Variants in PTPRZ1 observed in about 807,000 individuals in gnomAD.
The protein encoded by PTPRZ1 is protein tyrosine phosphatase receptor type Z1, also known as receptor-type tyrosine-protein phosphatase zeta.
In PTPRZ1, 82 loss-of-function variants were observed where a neutral mutation model predicts 214.1. The ratio of observed to expected loss-of-function variants is 0.38; its 90% CI spans 0.32 to 0.46. The LOEUF (loss-of-function observed/expected upper bound fraction) is 0.46, where lower values mean the gene tolerates loss of function less well. PTPRZ1 is among the 20% of genes least tolerant of loss of function. The pLI, the probability that PTPRZ1 is intolerant of heterozygous loss-of-function variation, is 1.00. For synonymous variants in PTPRZ1, 945 were observed against 987.9 expected (o/e 0.96, Z 0.81); for missense variants, 2,603 against 2,748.7 (o/e 0.95, Z 1.19).
chr7:121,933,278 C>T (rs955653351), intron 2 of PTPRZ1, among the ~76,000 whole-genome samples: 1 of 151,782 alleles, frequency 6.6e-6, no homozygotes, highest in Non-Finnish European at 1.5e-5. Context: ...TTGATTGCAA[C>T]CTCAAGCAAT....
At chr7:121,906,306 G>C (rs1447153846) in intron 1 of PTPRZ1, among the ~76,000 whole-genome samples, 2 of 152,078 alleles carry the variant, frequency 1.3e-5, no homozygotes, top group Admixed American at 6.6e-5. Flanking sequence ...ATAAATTTTA[G>C]ATTTAAGGAG....
rs1330125571 is a variant in PTPRZ1, at chr7:122,012,664, A to G, written c.3618A>G (p.Pro1206=). ...TTCTTCCAGCTGTGCCCAGTGATCC[A>G]ATATTGGTTGAAACCCCCAAAGTTG... ...KTVLPAVPSD[P]ILVETPKVDK... is the part of the protein sequence containing the mutation. Residue 1206 remains proline (P), a synonymous_variant, in exon 12 of 30, where the codon CCA becomes CCG. Coordinates refer to ENST00000393386, the MANE Select transcript of PTPRZ1 (RefSeq NM_002851.3). 1 of 1,613,450 alleles carries G rather than the reference A, an allele frequency of 6.2e-7. No homozygotes were observed. Among genetic ancestry groups the G allele is most frequent in the Non-Finnish European group, 8.5e-7 (1 of 1,179,472 alleles).
chr7:121,926,100 C>T (rs566778761), intron 1 of PTPRZ1, among the ~76,000 whole-genome samples: 2 of 152,050 alleles, frequency 1.3e-5, no homozygotes, highest in East Asian at 1.9e-4. Context: ...GTCTGGAGTT[C>T]GAGACCAGCC....
At chr7:121,965,831 A>G (rs1232183195) in intron 2 of PTPRZ1, among the ~76,000 whole-genome samples, 1 of 152,206 alleles carries the variant, frequency 6.6e-6, no homozygotes, top group Non-Finnish European at 1.5e-5. Context: ...GCACTAGTGG[A>G]GTCTAAGCCA....
chr7:121,898,247 A>G (rs1794859850), intron 1 of PTPRZ1, among the ~76,000 whole-genome samples: 1 of 133,826 alleles, frequency 7.5e-6, no homozygotes, highest in African/African-American at 3.2e-5. Context: ...TTTTAATTGT[A>G]GAATAATGTG....
intron 10 of PTPRZ1, among the ~76,000 whole-genome samples, chr7:122,001,629 G>A (rs572781103): frequency 1.2e-4 from 19 of 152,096 alleles, no homozygotes; most frequent in East Asian, 7.7e-4. Flanking sequence ...CTTTTATTTC[G>A]TGCACTGTGA....
chr7:121,965,991 C>T (rs1797036341), intron 2 of PTPRZ1, among the ~76,000 whole-genome samples: 1 of 152,018 alleles, frequency 6.6e-6, no homozygotes, highest in Non-Finnish European at 1.5e-5. Flanking sequence ...AAGGTACAGG[C>T]AAATGATGAC....
intron 2 of PTPRZ1, among the ~76,000 whole-genome samples, chr7:121,940,441 G>A (rs1180702462): frequency 5.3e-5 from 8 of 152,136 alleles, no homozygotes; most frequent in Admixed American, 3.3e-4. Context: ...AATGAAGCAG[G>A]TTGTAGTGGG....
Position 122,010,669 on chromosome 7 carries a change from C to T in PTPRZ1, c.1623C>T (p.Gly541=). The change falls in exon 12 of 30, where the codon GGC becomes GGT. Residue 541 remains glycine, a synonymous_variant. Transcript: ENST00000393386. The part of the protein sequence containing the change: ...VEGTSASLND[G]SKTVLRSPHM... ...GTACTTCAGCCTCTTTAAATGATGG[C>T]TCTAAAACTGTTCTTAGATCTCCAC... is the stretch of plus-strand genomic sequence containing the variant. The T allele has an allele frequency of 6.2e-7, 1 of 1,613,402 alleles. No individual in the cohort carries two copies. Among genetic ancestry groups the T allele is most frequent in the Non-Finnish European group, 8.5e-7 (1 of 1,179,426 alleles).
At chr7:122,022,051 C>T (rs1026185141) in intron 13 of PTPRZ1, among the ~76,000 whole-genome samples, 1 of 152,126 alleles carries the variant, frequency 6.6e-6, no homozygotes, top group Non-Finnish European at 1.5e-5. Flanking sequence ...ACATTTTAGA[C>T]CTTTGTAAAA....
chr7:121,973,940 G>GAAAAAA lies in PTPRZ1; in HGVS notation c.456+1266_456+1271dup, dbSNP rs371692415. Among the ~76,000 whole-genome samples, 39 of 86,212 alleles carry GAAAAAA rather than the reference G, an allele frequency of 4.5e-4. 2 individuals carry two copies. Among genetic ancestry groups the GAAAAAA allele is most frequent in the African/African-American group, 5.6e-4 (13 of 23,264 alleles). 56.6% of individuals were successfully genotyped at this position (86,212 alleles called of 152,430 possible). A position where few individuals can be genotyped will look rare whatever the true frequency, so the allele number is the denominator to read the frequency against. ...TGGAGTGAGACGCTGTCTCAAAAAA[G>GAAAAAA]AAAAAAAAAAAAAAAAAAAAAAAGC... On this transcript the variant is annotated intron_variant, in intron 4 of 29. Transcript: ENST00000393386.
chr7:122,019,040 G>A (rs1798933037), intron 12 of PTPRZ1, 84 bp from the exon 13 acceptor site: 1 of 1,304,978 alleles, frequency 7.7e-7, no homozygotes, highest in South Asian at 1.4e-5. Context: ...TAACAGCAAT[G>A]AAGGTTGCAA....
intron 1 of PTPRZ1, among the ~76,000 whole-genome samples, chr7:121,912,651 A>G (rs1342248138): frequency 6.6e-6 from 1 of 152,198 alleles, no homozygotes; most frequent in African/African-American, 2.4e-5. Flanking sequence ...AGAACAGTTC[A>G]GTGAAGGAGA....
chr7:121,935,991 C>T (rs1206511), intron 2 of PTPRZ1, among the ~76,000 whole-genome samples: 50,154 of 152,122 alleles, frequency 0.33, 8,617 homozygotes, highest in African/African-American at 0.4. Context: ...CTGCAGTTTG[C>T]ATTGTCACAC....
intron 2 of PTPRZ1, among the ~76,000 whole-genome samples, chr7:121,965,396 T>G (rs1797017427): frequency 6.6e-6 from 1 of 152,144 alleles, no homozygotes; most frequent in Non-Finnish European, 1.5e-5. Flanking sequence ...GGTTGGGTGT[T>G]TTTTGTTTTT....
intron 14 of PTPRZ1, among the ~76,000 whole-genome samples, chr7:122,029,540 G>A (rs537938260): frequency 6.6e-6 from 1 of 151,906 alleles, no homozygotes; most frequent in African/African-American, 2.4e-5. Context: ...AGTTAAGAAA[G>A]TAGGGATACA....
At chr7:121,921,604 A>T (rs753941943) in intron 1 of PTPRZ1, among the ~76,000 whole-genome samples, 11 of 152,152 alleles carry the variant, frequency 7.2e-5, no homozygotes, top group Non-Finnish European at 1.5e-4. Flanking sequence ...ATTTTTCCAG[A>T]ATTACCTCTT....
intron 1 of PTPRZ1, among the ~76,000 whole-genome samples, chr7:121,889,037 A>G (rs1262502328): frequency 6.6e-6 from 1 of 152,202 alleles, no homozygotes; most frequent in African/African-American, 2.4e-5. Context: ...TTTTAAAATT[A>G]TGAGCACAGA....
At chr7:121,930,945 G>A (rs989044221) in intron 2 of PTPRZ1, among the ~76,000 whole-genome samples, 1 of 152,040 alleles carries the variant, frequency 6.6e-6, no homozygotes, top group Admixed American at 6.6e-5. Context: ...ACATTACAAG[G>A]TGAAATCCTT....
Sources: allele counts gnomAD v4.1 joint callset (sites outside exome capture counted in the v4.1 genomes callset), GRCh38; gene constraint gnomAD v4.1.1; transcripts MANE v1.5; gene names NCBI Gene and HGNC (gene_info 2026-07-23, HGNC 2026-07-21).